HS3ST5: variants seen among roughly 807,000 people sequenced by gnomAD.
HS3ST5 encodes heparan sulfate-glucosamine 3-sulfotransferase 5.
Under a neutral mutation model 25.4 loss-of-function variants are expected in HS3ST5, and 10 were observed. The ratio of observed to expected loss-of-function variants is 0.39; its 90% confidence interval spans 0.24 to 0.67. HS3ST5 has a LOEUF of 0.67. Among genes scored for constraint, HS3ST5 ranks in the 30% least tolerant of loss-of-function variants. HS3ST5 has a pLI of 0.44. For synonymous variants in HS3ST5, 170 were observed against 162.4 expected, an observed-to-expected ratio of 1.05 and a Z score of -0.36; for missense variants, 324 against 420.7, an observed-to-expected ratio of 0.77 and a Z score of 2.01.
At chr6:114,141,677 A>G (rs1777904509) in intron 3 of HS3ST5, among the ~76,000 whole-genome samples, 1 of 152,138 alleles carries the variant, frequency 6.6e-6, no homozygotes, top group Non-Finnish European at 1.5e-5. Context: ...TACAATACCA[A>G]ATGCATGAAA....
intron 1 of HS3ST5, among the ~76,000 whole-genome samples, chr6:114,285,345 G>T (rs1253559295): frequency 6.6e-6 from 1 of 151,934 alleles, no homozygotes; most frequent in Non-Finnish European, 1.5e-5. Context: ...TGGGCAGTAA[G>T]CTTGCTACCT....
intron 3 of HS3ST5, among the ~76,000 whole-genome samples, chr6:114,148,579 C>T (rs750425251): frequency 2.0e-5 from 3 of 152,254 alleles, no homozygotes; most frequent in South Asian, 2.1e-4. Flanking sequence ...CAAGATCGCG[C>T]CACTGTACTC....
chr6:114,066,704 C>A (rs1773472079), intron 3 of HS3ST5, among the ~76,000 whole-genome samples: 1 of 152,040 alleles, frequency 6.6e-6, no homozygotes, highest in South Asian at 2.1e-4. Context: ...CGTTTTCTAC[C>A]ACCTTTTGTA....
At chr6:114,215,586 A>G (rs913400146) in intron 2 of HS3ST5, among the ~76,000 whole-genome samples, 1 of 151,750 alleles carries the variant, frequency 6.6e-6, no homozygotes, top group Non-Finnish European at 1.5e-5. Flanking sequence ...TGACAGTTCC[A>G]TGCCTTTTGC....
intron 1 of HS3ST5, among the ~76,000 whole-genome samples, chr6:114,315,872 A>G (rs1240016076): frequency 2.6e-5 from 4 of 152,092 alleles, no homozygotes; most frequent in East Asian, 1.9e-4. Flanking sequence ...TTGCAGAGTG[A>G]TATTCTTTAC....
intron 1 of HS3ST5, chr6:114,229,992 C>T (rs959416942): frequency 6.6e-6 from 1 of 151,920 alleles, no homozygotes; most frequent in African/African-American, 2.4e-5. Flanking sequence ...ACAAAATGTA[C>T]AAAAAATGTG....
intron 1 of HS3ST5, among the ~76,000 whole-genome samples, chr6:114,232,462 A>T (rs191234822): frequency 6.6e-6 from 1 of 152,292 alleles, no homozygotes; most frequent in Non-Finnish European, 1.5e-5. Context: ...CAGTGCCAGG[A>T]TTACAGACAT....
intron 1 of HS3ST5, among the ~76,000 whole-genome samples, chr6:114,273,368 G>T (rs1773713574): frequency 6.6e-6 from 1 of 152,076 alleles, no homozygotes. Flanking sequence ...CTTTAAATTT[G>T]AGATGCTTAT....
chr6:114,198,742 A>G (rs1287601014), intron 2 of HS3ST5, among the ~76,000 whole-genome samples: 1 of 152,196 alleles, frequency 6.6e-6, no homozygotes, highest in East Asian at 1.9e-4. Context: ...TTTGTAAATC[A>G]TGTGGTTATA....
At chr6:114,193,285 A>G (rs1780590671) in intron 2 of HS3ST5, among the ~76,000 whole-genome samples, 1 of 152,218 alleles carries the variant, frequency 6.6e-6, no homozygotes, top group Admixed American at 6.5e-5. Context: ...GAAGAAAAGA[A>G]GAGCTATAAT....
intron 3 of HS3ST5, among the ~76,000 whole-genome samples, chr6:114,119,848 A>T (rs1776696787): frequency 6.6e-6 from 1 of 152,204 alleles, no homozygotes; most frequent in African/African-American, 2.4e-5. Flanking sequence ...TCCTGCCCTC[A>T]GGAAATTTAC....
chr6:114,089,405 A>G (rs1457967448), intron 3 of HS3ST5, among the ~76,000 whole-genome samples: 2 of 152,290 alleles, frequency 1.3e-5, no homozygotes, highest in East Asian at 3.9e-4. Context: ...TGTGTTTTCA[A>G]TAATTTTCCT....
chr6:114,202,012 G>C (rs1781038872), intron 2 of HS3ST5, among the ~76,000 whole-genome samples: 1 of 152,094 alleles, frequency 6.6e-6, no homozygotes, highest in African/African-American at 2.4e-5. Flanking sequence ...GACACATGGG[G>C]AGTATGAGAA....
chr6:114,299,553 T>C (rs1774982603), intron 1 of HS3ST5, among the ~76,000 whole-genome samples: 1 of 152,136 alleles, frequency 6.6e-6, no homozygotes, highest in South Asian at 2.1e-4. Context: ...ACATGTGATG[T>C]CTCCCCCGGA....
intron 3 of HS3ST5, among the ~76,000 whole-genome samples, chr6:114,108,055 TGTGTGTGC>T (rs1217208646): frequency 5.3e-5 from 8 of 152,210 alleles, no homozygotes; most frequent in African/African-American, 1.9e-4. Flanking sequence ...TATAAACAGA[TGTGTGTGC>T]GTGTGTGCAT....
chr6:114,129,280 G>A (rs193095478), intron 3 of HS3ST5, among the ~76,000 whole-genome samples: 2,313 of 127,626 alleles, frequency 0.018, 75 homozygotes, highest in African/African-American at 0.059. Flanking sequence ...TTTTGAGACG[G>A]AGTCTTGCTC....
chr6:114,316,276 C>T (rs1431717639), intron 1 of HS3ST5, among the ~76,000 whole-genome samples: 1 of 152,052 alleles, frequency 6.6e-6, no homozygotes, highest in Non-Finnish European at 1.5e-5. Context: ...ACAAATTATA[C>T]CAAAATGTCA....
chr6:114,204,401 C>G (rs1321441083), intron 2 of HS3ST5, among the ~76,000 whole-genome samples: 2 of 152,088 alleles, frequency 1.3e-5, no homozygotes, highest in East Asian at 3.9e-4. Flanking sequence ...GAATGTAGGA[C>G]TGGTGATTGG....
At chr6:114,084,438 A>T (rs1774654795) in intron 3 of HS3ST5, 3 of 756,426 alleles carry the variant, frequency 4.0e-6, no homozygotes, top group African/African-American at 1.7e-5. Flanking sequence ...TCTCTTCAGG[A>T]TCTCTGTAGA....
Sources: allele counts gnomAD v4.1 joint callset (sites outside exome capture counted in the v4.1 genomes callset), GRCh38; gene constraint gnomAD v4.1.1; transcripts MANE v1.5; gene names NCBI Gene and HGNC (gene_info 2026-07-23, HGNC 2026-07-21).